IRAG1: variants seen among roughly 807,000 people sequenced by gnomAD.
The protein encoded by IRAG1 is inositol 1,4,5-triphosphate receptor associated 1.
IRAG1 carries 62 observed loss-of-function variants against 106.2 expected under a neutral mutation model. The ratio of observed to expected loss-of-function variants is 0.58; its 90% CI spans 0.48 to 0.72. IRAG1 has a LOEUF of 0.72. IRAG1 is among the 30% of genes least tolerant of loss of function. IRAG1 has a pLI of 0.00. For missense variants in IRAG1, 1,064 were observed against 1,140.7 expected (o/e 0.93, Z 0.97); for synonymous variants, 462 against 443.9 (o/e 1.04, Z -0.51).
chr11:10,586,817 A>C (rs2134155523), intron 18 of IRAG1, among the ~76,000 whole-genome samples: 1 of 152,340 alleles, frequency 6.6e-6, no homozygotes. Flanking sequence ...CTGTCATCAC[A>C]GGAAGAAGGA....
chr11:10,648,988 GCT>G (rs566651952), intron 2 of IRAG1, among the ~76,000 whole-genome samples: 169 of 152,302 alleles, frequency 1.1e-3, no homozygotes, highest in African/African-American at 4.0e-3. Context: ...TTAGAAGGAT[GCT>G]CTGTTCTTTG....
At chr11:10,662,007 T>A (rs554938522) in intron 1 of IRAG1, among the ~76,000 whole-genome samples, 1 of 152,322 alleles carries the variant, frequency 6.6e-6, no homozygotes, top group South Asian at 2.1e-4. Context: ...ATATTCATAT[T>A]TTTATGACCT....
intron 18 of IRAG1, among the ~76,000 whole-genome samples, chr11:10,587,776 A>C (rs1852186445): frequency 6.6e-6 from 1 of 152,166 alleles, no homozygotes; most frequent in Non-Finnish European, 1.5e-5. Flanking sequence ...ACCGGTCACC[A>C]TGCTCTTTCA....
chr11:10,661,782 C>G (rs1014500839), intron 1 of IRAG1, among the ~76,000 whole-genome samples: 1 of 152,090 alleles, frequency 6.6e-6, no homozygotes, highest in African/African-American at 2.4e-5. Context: ...CTAAGTATTC[C>G]CAATTTAATC....
At chr11:10,590,338 T>A (rs1852504784) in intron 18 of IRAG1, among the ~76,000 whole-genome samples, 1 of 151,252 alleles carries the variant, frequency 6.6e-6, no homozygotes, top group Non-Finnish European at 1.5e-5. Context: ...CTTATGGGGG[T>A]GAGGTGGCAA....
chr11:10,638,475 T>C (rs573364474), intron 2 of IRAG1, among the ~76,000 whole-genome samples: 2 of 151,984 alleles, frequency 1.3e-5, no homozygotes, highest in African/African-American at 4.8e-5. Context: ...GGCAGCCTCA[T>C]GCCTATCACC....
At chr11:10,622,673 T>C (rs565107242) in intron 10 of IRAG1, among the ~76,000 whole-genome samples, 1 of 151,938 alleles carries the variant, frequency 6.6e-6, no homozygotes, top group Non-Finnish European at 1.5e-5. Flanking sequence ...CCCAGGTAAT[T>C]TTTGTATTTT....
intron 1 of IRAG1, among the ~76,000 whole-genome samples, chr11:10,667,369 T>G (rs1042130496): frequency 6.6e-6 from 1 of 152,062 alleles, no homozygotes; most frequent in African/African-American, 2.4e-5. Context: ...GGCTTTGTGG[T>G]TGGGACTGGT....
At chr11:10,592,049 G>A (rs1275059606) in intron 17 of IRAG1, among the ~76,000 whole-genome samples, 1 of 152,186 alleles carries the variant, frequency 6.6e-6, no homozygotes, top group South Asian at 2.1e-4. Context: ...CTCAGGAGAT[G>A]CAAATCACTA....
At chr11:10,636,606 C>T (rs747334671) in intron 2 of IRAG1, among the ~76,000 whole-genome samples, 2 of 152,178 alleles carry the variant, frequency 1.3e-5, no homozygotes, top group Non-Finnish European at 2.9e-5. Flanking sequence ...CCAAAAGCAA[C>T]TTGAGATATG....
chr11:10,648,070 T>A (rs1361698896), intron 2 of IRAG1, among the ~76,000 whole-genome samples: 1 of 152,046 alleles, frequency 6.6e-6, no homozygotes, highest in Non-Finnish European at 1.5e-5. Flanking sequence ...GAAATATTCC[T>A]ACAGATTCCT....
At chr11:10,681,311 A>G (rs148495587) in intron 1 of IRAG1, among the ~76,000 whole-genome samples, 1 of 152,344 alleles carries the variant, frequency 6.6e-6, no homozygotes, top group East Asian at 1.9e-4. Flanking sequence ...GTAAATGTCT[A>G]ACGCATGAGT....
rs139016277 is a variant in IRAG1, at chr11:10,631,972, A to T, written c.400+19T>A. The T allele has an allele frequency of 8.4e-4, 1,359 of 1,610,234 alleles. 6 individuals are homozygous for T. Among genetic ancestry groups the T allele is most frequent in the Middle Eastern group, 5.8e-3 (33 of 5,662 alleles). On this transcript the variant is annotated intron_variant, in intron 4 of 20. Coordinates refer to ENST00000423302, the MANE Select transcript of IRAG1 (RefSeq NM_130385.4). The stretch of plus-strand genomic sequence containing the variant: ...CCTGTCTTTCTACTCAACATGCCTT[A>T]GATTGCCCTGGTCCTTACCCACAGA...
chr11:10,634,805 A>C (rs1182969180), intron 2 of IRAG1, among the ~76,000 whole-genome samples: 1 of 148,132 alleles, frequency 6.8e-6, no homozygotes, highest in Non-Finnish European at 1.5e-5. Context: ...ACAATATTTT[A>C]TTGTGTATAT....
intron 9 of IRAG1, 108 bp downstream of exon 9, chr11:10,625,858 G>C (rs1322603899): frequency 8.6e-7 from 1 of 1,168,506 alleles, no homozygotes; most frequent in Admixed American, 3.9e-5. Context: ...CAAGGCCCAA[G>C]TCCAGGCCAG....
At chr11:10,593,451 TCTA>T (rs753813328) in intron 17 of IRAG1, 38 bp downstream of exon 17, 15 of 1,554,890 alleles carry the variant, frequency 9.6e-6, no homozygotes, top group Non-Finnish European at 1.3e-5. Context: ...GAAAGGTTAT[TCTA>T]CTATTCTGTG....
chr11:10,598,206 C>CCCA (rs1853549557), intron 15 of IRAG1, among the ~76,000 whole-genome samples: 1 of 152,208 alleles, frequency 6.6e-6, no homozygotes, highest in Non-Finnish European at 1.5e-5. Context: ...AAGCTCAGCT[C>CCCA]CCAGATAACC....
At chr11:10,623,702 T>C in intron 10 of IRAG1, 76 bp downstream of exon 10, 2 of 1,357,746 alleles carry the variant, frequency 1.5e-6, no homozygotes, top group East Asian at 2.3e-5. Context: ...GTCTTGTGTT[T>C]ACACATTCAC....
chr11:10,577,910 T>C (rs1166102978), intron 20 of IRAG1, among the ~76,000 whole-genome samples: 4 of 152,218 alleles, frequency 2.6e-5, no homozygotes, highest in Admixed American at 2.0e-4. Context: ...TTCACAACTG[T>C]TGGGAAGGCA....
Sources: gnomAD v4.1 joint callset for allele counts (sites outside exome capture counted in the v4.1 genomes callset) on GRCh38, gnomAD v4.1.1 for gene constraint, MANE v1.5 for transcripts, NCBI Gene and HGNC (gene_info 2026-07-23, HGNC 2026-07-21) for gene names.